Variants in IQGAP3 observed in about 807,000 individuals in gnomAD.
The protein encoded by IQGAP3 is IQ motif containing GTPase activating protein 3.
IQGAP3 carries 165 observed loss-of-function variants against 208.2 expected under a neutral mutation model. The ratio of observed to expected loss-of-function variants is 0.79; its 90% CI spans 0.70 to 0.90. IQGAP3 has a LOEUF of 0.90. Ranked by LOEUF, IQGAP3 falls within the 40% of genes least tolerant of loss-of-function variation. IQGAP3 has a pLI of 0.00. For missense variants in IQGAP3, 1,811 were observed against 2,043.1 expected (o/e 0.89, Z 2.19); for synonymous variants, 703 against 803.6 (o/e 0.87, Z 2.12).
At chr1:156,546,038 G>A (rs1675228580) in intron 19 of IQGAP3, among the ~76,000 whole-genome samples, 1 of 152,190 alleles carries the variant, frequency 6.6e-6, no homozygotes, top group African/African-American at 2.4e-5. Flanking sequence ...CCATGTTGGA[G>A]CCTAGAGGTC....
Position 156,548,763 on chromosome 1 carries a change from A to G in IQGAP3, c.1826-15T>C, listed in dbSNP as rs1675401996. 1.9e-6 allele frequency: 3 copies of G among 1,542,886 alleles called. No homozygotes were observed. Among genetic ancestry groups the G allele is most frequent in the Non-Finnish European group, 2.6e-6 (3 of 1,144,264 alleles). On this transcript the variant is annotated splice_polypyrimidine_tract_variant and intron_variant, in intron 16 of 37. Transcript: ENST00000361170. ...ACCAAGAGCCACTGACAGGGGCATC[A>G]GGAGAGAGCAGTCAATCCTTCCCCC...
intron 9 of IQGAP3, among the ~76,000 whole-genome samples, 187 bp from the exon 10 acceptor site, chr1:156,562,188 G>A (rs565801302): frequency 6.6e-6 from 1 of 151,430 alleles, no homozygotes; most frequent in African/African-American, 2.4e-5. Flanking sequence ...TTCTCACTTC[G>A]CCGCCCCAGA....
intron 1 of IQGAP3, among the ~76,000 whole-genome samples, chr1:156,571,710 T>C (rs1327440749): frequency 6.6e-6 from 1 of 152,222 alleles, no homozygotes; most frequent in African/African-American, 2.4e-5. Flanking sequence ...TTCCTGTCCT[T>C]CTCAGGTCTG....
intron 22 of IQGAP3, 70 bp from the exon 23 acceptor site, chr1:156,540,986 G>C: frequency 7.8e-7 from 1 of 1,285,008 alleles, no homozygotes; most frequent in Non-Finnish European, 1.1e-6. Context: ...GCCCCTGCCC[G>C]AGTCAGCCCA....
At chr1:156,533,180 C>G in intron 31 of IQGAP3, 74 bp from the exon 32 acceptor site, 2 of 1,545,370 alleles carry the variant, frequency 1.3e-6, no homozygotes, top group Non-Finnish European at 1.8e-6. Context: ...CACACACACA[C>G]ATGCACCGAT....
At chr1:156,531,311 T>C in intron 32 of IQGAP3, 64 bp from the exon 33 acceptor site, 1 of 1,233,316 alleles carries the variant, frequency 8.1e-7, no homozygotes. Context: ...GACATGGGAC[T>C]GGCCAGAGGT....
intron 1 of IQGAP3, among the ~76,000 whole-genome samples, chr1:156,569,859 C>T (rs565904009): frequency 6.6e-6 from 1 of 152,250 alleles, no homozygotes; most frequent in East Asian, 1.9e-4. Flanking sequence ...GGCAACCCTG[C>T]TCAGAGACCT....
At chr1:156,538,056 G>T (rs546862067) in intron 26 of IQGAP3, among the ~76,000 whole-genome samples, 1 of 151,232 alleles carries the variant, frequency 6.6e-6, no homozygotes, top group Non-Finnish European at 1.5e-5. Context: ...AACACCCGGC[G>T]AATTTTTGTA....
At chr1:156,533,579 T>C (rs1674528908) in intron 31 of IQGAP3, among the ~76,000 whole-genome samples, 194 bp downstream of exon 31, 1 of 152,182 alleles carries the variant, frequency 6.6e-6, no homozygotes, top group Non-Finnish European at 1.5e-5. Context: ...CGTGGGTCCC[T>C]CTACTGTCTG....
At chr1:156,568,460 G>A (rs1032570111) in intron 2 of IQGAP3, among the ~76,000 whole-genome samples, 2 of 152,166 alleles carry the variant, frequency 1.3e-5, no homozygotes, top group Non-Finnish European at 2.9e-5. Flanking sequence ...CAGGTGATCT[G>A]CCCGCCTTGG....
chr1:156,539,563 T>A (rs1674877603), intron 24 of IQGAP3, 26 bp from the exon 25 acceptor site: 1 of 1,611,984 alleles, frequency 6.2e-7, no homozygotes, highest in African/African-American at 1.3e-5. Context: ...GAGACAGGAA[T>A]GGCTGACCAT....
At chr1:156,532,386 C>CA (rs11302550) in intron 32 of IQGAP3, among the ~76,000 whole-genome samples, 3,447 of 81,332 alleles carry the variant, frequency 0.042, 75 homozygotes, top group South Asian at 0.068. Context: ...GACTCCATCT[C>CA]AAAAAAAAAA....
chr1:156,542,663 G>A (rs1675042841), intron 22 of IQGAP3, among the ~76,000 whole-genome samples: 4 of 152,180 alleles, frequency 2.6e-5, no homozygotes, highest in Admixed American at 2.6e-4. Context: ...TAATTGGCTG[G>A]GTGTGGTGGT....
At chr1:156,541,474 G>C (rs1414214175) in intron 22 of IQGAP3, among the ~76,000 whole-genome samples, 1 of 152,032 alleles carries the variant, frequency 6.6e-6, no homozygotes, top group Non-Finnish European at 1.5e-5. Context: ...TTTGGAATTG[G>C]CATTTGAGCA....
intron 1 of IQGAP3, among the ~76,000 whole-genome samples, chr1:156,571,926 A>G (rs1455914631): frequency 6.6e-6 from 1 of 152,234 alleles, no homozygotes; most frequent in East Asian, 1.9e-4. Context: ...CCTTCCTCAC[A>G]ATCACCTGGG....
chr1:156,530,083 G>C (rs751653682), intron 34 of IQGAP3, 22 bp downstream of exon 34: 2 of 1,563,688 alleles, frequency 1.3e-6, no homozygotes, highest in South Asian at 1.2e-5. Flanking sequence ...CAGGCACACG[G>C]AGCCCAGGCC....
At chr1:156,528,458 C>A (rs1387486954) in intron 36 of IQGAP3, 51 bp downstream of exon 36, 2 of 1,375,406 alleles carry the variant, frequency 1.5e-6, no homozygotes, top group Admixed American at 3.6e-5. Flanking sequence ...GCTCCACCCC[C>A]AGGTTAGAGG....
rs781654325 is a variant in IQGAP3 at position 156,563,215 on chromosome 1, A to T, written c.717T>A (p.Asn239Lys). ...ALQNPSALLE[N>K]LREPLAAVYQ... ...AGACGGCTGCCAGAGGCTCTCGGAG[A>T]TTCTCCAGAAGAGCACTGGGATTCT... Residue 239 changes from asparagine to lysine, a missense_variant, in exon 8 of 38, where the codon AAT becomes AAA. Coordinates refer to ENST00000361170, the MANE Select transcript of IQGAP3 (RefSeq NM_178229.5). The T allele has an allele frequency of 6.2e-7, 1 of 1,613,108 alleles. No homozygotes were observed.
chr1:156,530,086 C>A lies in IQGAP3; in HGVS notation c.4404+19G>T. On this transcript the variant is annotated intron_variant, in intron 34 of 37. Coordinates refer to ENST00000361170, the MANE Select transcript of IQGAP3 (RefSeq NM_178229.5). ...CACACGTACACACAGGCACACGGAGCCCAGGCCCAGGTTGTTACCTTGGCC... is the reference window on the plus strand; with the variant it reads ...CACACGTACACACAGGCACACGGAGACCAGGCCCAGGTTGTTACCTTGGCC... The A allele has an allele frequency of 6.4e-7, 1 of 1,569,596 alleles. No individual in the cohort carries two copies. Among genetic ancestry groups the A allele is most frequent in the Non-Finnish European group, 8.7e-7 (1 of 1,154,102 alleles).
Sources: gnomAD v4.1 joint callset for allele counts (sites outside exome capture counted in the v4.1 genomes callset) on GRCh38, gnomAD v4.1.1 for gene constraint, MANE v1.5 for transcripts, NCBI Gene and HGNC (gene_info 2026-07-23, HGNC 2026-07-21) for gene names.